DIP2A: variants seen among roughly 807,000 people sequenced by gnomAD.
The protein encoded by DIP2A is DIP2 acetate--CoA ligase A.
In DIP2A, 85 loss-of-function variants were observed where a neutral mutation model predicts 177.4. The ratio of observed to expected loss-of-function variants is 0.48; its 90% CI spans 0.40 to 0.57. DIP2A has a LOEUF of 0.57. DIP2A is among the 20% of genes least tolerant of loss of function. DIP2A has a pLI of 0.00. For synonymous variants in DIP2A, 886 were observed against 881.8 expected, an observed-to-expected ratio of 1.00 and a Z score of -0.08; for missense variants, 1,791 against 2,100.2, an observed-to-expected ratio of 0.85 and a Z score of 2.88.
At chr21:46,489,708 A>G (rs770493947) in intron 2 of DIP2A, among the ~76,000 whole-genome samples, 9 of 152,204 alleles carry the variant, frequency 5.9e-5, no homozygotes, top group East Asian at 1.9e-4. Flanking sequence ...CTGCTGGCCA[A>G]TTTTATGAAA....
intron 1 of DIP2A, among the ~76,000 whole-genome samples, chr21:46,459,640 C>G (rs1283025105): frequency 6.6e-6 from 1 of 150,540 alleles, no homozygotes; most frequent in African/African-American, 2.4e-5. Flanking sequence ...GACTCCCGAC[C>G]CTCAGCCCCG....
chr21:46,540,510 G>A (rs1354768682), intron 17 of DIP2A, among the ~76,000 whole-genome samples: 2 of 152,046 alleles, frequency 1.3e-5, no homozygotes, highest in Admixed American at 6.6e-5. Flanking sequence ...TGGGTGCGGG[G>A]CTGCTGGTCC....
At chr21:46,565,208 TAC>T (rs1331687318) in intron 35 of DIP2A, among the ~76,000 whole-genome samples, 2 of 152,232 alleles carry the variant, frequency 1.3e-5, no homozygotes, top group Non-Finnish European at 2.9e-5. Context: ...GACAGGTGGA[TAC>T]ACACACGTGA....
At chr21:46,493,908 A>G (rs1169114530) in intron 3 of DIP2A, among the ~76,000 whole-genome samples, 2 of 152,168 alleles carry the variant, frequency 1.3e-5, no homozygotes, top group African/African-American at 2.4e-5. Flanking sequence ...TGGGCCATCC[A>G]TGCCCTGCCT....
intron 9 of DIP2A, among the ~76,000 whole-genome samples, chr21:46,531,832 A>G (rs564049410): frequency 6.6e-6 from 1 of 152,364 alleles, no homozygotes; most frequent in South Asian, 2.1e-4. Context: ...CTTTTCAACA[A>G]ACAAACTTGT....
intron 5 of DIP2A, among the ~76,000 whole-genome samples, chr21:46,502,192 G>A (rs1211562527): frequency 1.3e-5 from 2 of 152,040 alleles, no homozygotes; most frequent in African/African-American, 4.8e-5. Context: ...CTAGAGTGCA[G>A]CGGTATGGTC....
chr21:46,564,432 T>C (rs1280568462), intron 35 of DIP2A, among the ~76,000 whole-genome samples: 2 of 152,236 alleles, frequency 1.3e-5, no homozygotes, highest in African/African-American at 4.8e-5. Flanking sequence ...ACACAGAGGC[T>C]ATACAGGAAT....
At chr21:46,541,045 T>G (rs982231356) in intron 17 of DIP2A, among the ~76,000 whole-genome samples, 3 of 151,964 alleles carry the variant, frequency 2.0e-5, no homozygotes, top group Non-Finnish European at 4.4e-5. Context: ...AGTTACCCTA[T>G]TTAATCACTT....
chr21:46,583,175 A>T, the DIP2A span, among the ~76,000 whole-genome samples: 1 of 152,224 alleles, frequency 6.6e-6, no homozygotes, highest in Non-Finnish European at 1.5e-5. Flanking sequence ...TAGAAGGGTC[A>T]ATCTATCAGG....
downstream of DIP2A, among the ~76,000 whole-genome samples, chr21:46,571,155 C>T (rs1383529044): frequency 1.1e-4 from 17 of 152,194 alleles, 1 homozygote; most frequent in Admixed American, 1.1e-3. Context: ...TGCAAGCCTT[C>T]TTATGAACTA....
At chr21:46,480,311 C>T (rs1469801187) in intron 1 of DIP2A, among the ~76,000 whole-genome samples, 1 of 152,088 alleles carries the variant, frequency 6.6e-6, no homozygotes, top group Non-Finnish European at 1.5e-5. Context: ...TTTTATAAAA[C>T]CATCAGATCT....
intron 5 of DIP2A, among the ~76,000 whole-genome samples, chr21:46,502,351 C>CA (rs2148556156): frequency 6.7e-6 from 1 of 150,338 alleles, no homozygotes; most frequent in East Asian, 2.0e-4. Flanking sequence ...AGGCTGATCT[C>CA]AAATTCCTGG....
intron 8 of DIP2A, among the ~76,000 whole-genome samples, chr21:46,517,054 CTTTTTTTTTTTTT>C (rs71318086): frequency 1.6e-4 from 10 of 60,882 alleles, no homozygotes; most frequent in Admixed American, 4.5e-4. Flanking sequence ...TTTTCTCTCT[CTTTTTTTTTTTTT>C]TTTTTTTTTT....
In DIP2A at chr21:46,498,564, T is replaced by C; in HGVS notation, c.404-18T>C. The C allele has an allele frequency of 6.3e-7, 1 of 1,592,292 alleles. No homozygotes were observed. ...ACTCATCCCGATATCATGCCTGTCA[T>C]CGTTATTTTAACCACAGACACGTCG... On this transcript the variant is annotated intron_variant, in intron 4 of 37. Coordinates refer to ENST00000417564, the MANE Select transcript of DIP2A (RefSeq NM_015151.4). This position sits in a 1 kb window ranked among gnomAD's most constrained non-coding sequence, Gnocchi z 4.3.
At position 46,554,629 on chromosome 21, in the gene DIP2A, T is replaced by A. The variant is rs2060392359; in HGVS notation, c.3209T>A (p.Val1070Asp). ...TGCTTGTACTGTGGCTGCGTGCCTGTCACCGTGCGGCCCCCGCACCCTCAG... is the reference window on the plus strand; with the variant it reads ...TGCTTGTACTGTGGCTGCGTGCCTGACACCGTGCGGCCCCCGCACCCTCAG... Reference protein sequence around the residue: ...YGCLYCGCVPVTVRPPHPQNL... With the variant: ...YGCLYCGCVPDTVRPPHPQNL... The change falls in exon 27 of 38, where the codon GTC becomes GAC. Residue 1070 changes from valine (V) to aspartate (D), a missense_variant. Val to Asp is a radical substitution (Grantham distance 152). Transcript: ENST00000417564. 1 of 1,604,820 alleles carries A rather than the reference T, an allele frequency of 6.2e-7. No homozygotes were observed.
chr21:46,539,645 T>G, intron 16 of DIP2A: 1 of 543,968 alleles, frequency 1.8e-6, no homozygotes, highest in South Asian at 1.9e-5. Context: ...TGATGCCCCT[T>G]CTGCCCTTTG....
At chr21:46,524,149 G>A (rs898334701) in intron 8 of DIP2A, among the ~76,000 whole-genome samples, 7 of 152,330 alleles carry the variant, frequency 4.6e-5, no homozygotes, top group African/African-American at 7.2e-5. Flanking sequence ...ACCCAAAGCC[G>A]TCAGCAAAGA....
chr21:46,538,645 C>T, intron 16 of DIP2A, 43 bp downstream of exon 16: 1 of 1,538,738 alleles, frequency 6.5e-7, no homozygotes, highest in Non-Finnish European at 8.7e-7. Context: ...ACACAGTGTC[C>T]CCTCCTGCAA....
intron 31 of DIP2A, 85 bp from the exon 32 acceptor site, chr21:46,558,138 A>C (rs2060533326): frequency 7.1e-7 from 1 of 1,403,130 alleles, no homozygotes; most frequent in Non-Finnish European, 9.5e-7. Flanking sequence ...CTGTGTGCCC[A>C]CCCGGAGATT....
Sources: gnomAD v4.1 joint callset for allele counts (sites outside exome capture counted in the v4.1 genomes callset) on GRCh38, gnomAD v4.1.1 for gene constraint, Gnocchi (gnomAD v3.1) non-coding constraint, MANE v1.5 for transcripts, NCBI Gene and HGNC (gene_info 2026-07-23, HGNC 2026-07-21) for gene names.